The following ZNF599 variants were observed in gnomAD, a reference collection of about 807,000 sequenced individuals.
The protein encoded by ZNF599 is zinc finger protein 599.
Under a neutral mutation model 11.7 loss-of-function variants are expected in ZNF599, and 10 were observed. The observed-to-expected ratio is 0.86, with a 90% CI of 0.53 to 1.45. The LOEUF (loss-of-function observed/expected upper bound fraction) is 1.45, where lower values mean the gene tolerates loss of function less well. Among genes scored for constraint, ZNF599 ranks in the 40% most tolerant of loss-of-function variants. The probability of loss-of-function intolerance (pLI) is 0.00; values close to 1 mark genes in which losing one functional copy is unlikely to be tolerated. For missense variants in ZNF599, 688 were observed against 713.6 expected, an observed-to-expected ratio of 0.96 and a Z score of 0.41; for synonymous variants, 232 against 253.2, an observed-to-expected ratio of 0.92 and a Z score of 0.79.
At position 34,759,444 on chromosome 19, in the gene ZNF599, A is replaced by G. The variant is rs1179568469; in HGVS notation, c.1357T>C (p.Cys453Arg). 1 of 1,614,132 alleles carries G rather than the reference A, an allele frequency of 6.2e-7. No homozygotes were observed. The highest frequency in any genetic ancestry group is 8.5e-7 in the Non-Finnish European group (1 of 1,179,980). The change falls in exon 4 of 4, where the codon TGC becomes CGC. Residue 453 changes from cysteine (C) to arginine (R), a missense_variant. Coordinates refer to ENST00000329285, the MANE Select transcript of ZNF599 (RefSeq NM_001007248.3). ...GTAAAAGCCTTTCCACATTCACTGC[A>G]CTCATAAGGCTTCTCACCAGTGTGA... ...RIHTGEKPYE[C>R]SECGKAFTHH...
the ZNF599 span, among the ~76,000 whole-genome samples, chr19:34,794,778 C>A: frequency 6.6e-6 from 1 of 152,034 alleles, no homozygotes; most frequent in African/African-American, 2.4e-5. Context: ...ACCATGTTGG[C>A]CAGGTTGGTC....
chr19:34,777,351 ATT>A (rs1326973361), upstream of ZNF599, among the ~76,000 whole-genome samples: 33 of 93,918 alleles, frequency 3.5e-4, no homozygotes, highest in African/African-American at 1.4e-3. Flanking sequence ...TATATTATAT[ATT>A]ATATATTAAT....
At chr19:34,780,566 GAGAA>G in the ZNF599 span, among the ~76,000 whole-genome samples, 170 of 146,022 alleles carry the variant, frequency 1.2e-3, no homozygotes, top group Non-Finnish European at 2.1e-3. Context: ...GAGACAAAGA[GAGAA>G]AGAAAGAAAG....
Position 34,758,888 on chromosome 19 carries a change from G to T in ZNF599, c.*146C>A. 1.3e-6 allele frequency: 1 copy of T among 747,782 alleles called. No individual in the cohort carries two copies. Among genetic ancestry groups the T allele is most frequent in the Non-Finnish European group, 2.1e-6 (1 of 466,438 alleles). 46.3% of individuals were successfully genotyped at this position (747,782 alleles called of 1,614,324 possible). The stretch of plus-strand genomic sequence containing the variant: ...AAAAAGATTTCACAGGGACAATTCT[G>T]TTTCTAGTTAGTATAAATTATCAGA... On this transcript the variant is annotated 3_prime_UTR_variant, in exon 4 of 4. Transcript: ENST00000329285.
chr19:34,784,251 G>A, the ZNF599 span, among the ~76,000 whole-genome samples: 1 of 151,910 alleles, frequency 6.6e-6, no homozygotes, highest in Non-Finnish European at 1.5e-5. Context: ...CTTCTCCCTG[G>A]GTGTCTTTAT....
rs1164726692 is a variant in ZNF599 at position 34,760,286 on chromosome 19, A to C, written c.515T>G (p.Val172Gly). ...CTCATGGAGAGCATCTTGTGGAGTG[A>C]CTCGTTCCTGTAAAACCCTTAAGCC... ...SLGLRVLQER[V>G]TPQDALHECD... The change falls in exon 4 of 4, where the codon GTC becomes GGC. Residue 172 changes from valine to glycine, a missense_variant. Physicochemically the swap from Val to Gly is moderately radical, Grantham distance 109. Transcript: ENST00000329285. The C allele has an allele frequency of 6.2e-7, 1 of 1,613,908 alleles. No individual in the cohort carries two copies. Among genetic ancestry groups the C allele is most frequent in the Non-Finnish European group, 8.5e-7 (1 of 1,179,934 alleles).
At chr19:34,784,433 A>G in the ZNF599 span, among the ~76,000 whole-genome samples, 1 of 152,196 alleles carries the variant, frequency 6.6e-6, no homozygotes, top group Admixed American at 6.5e-5. Context: ...GTATTAAGAC[A>G]TTCACATATA....
At chr19:34,792,949 G>A in the ZNF599 span, among the ~76,000 whole-genome samples, 1 of 152,118 alleles carries the variant, frequency 6.6e-6, no homozygotes, top group Admixed American at 6.5e-5. Context: ...AGCCATGCAT[G>A]CCATGTGAAT....
chr19:34,767,263 T>C (rs2069150036), intron 3 of ZNF599, 53 bp downstream of exon 3: 1 of 1,416,616 alleles, frequency 7.1e-7, no homozygotes, highest in Admixed American at 1.7e-5. Flanking sequence ...CAGTGATGCC[T>C]GGGTGGTCTG....
At chr19:34,786,887 T>C in the ZNF599 span, among the ~76,000 whole-genome samples, 23 of 152,290 alleles carry the variant, frequency 1.5e-4, no homozygotes, top group Non-Finnish European at 2.8e-4. Flanking sequence ...AAATGAAAAA[T>C]GAAGAAAATA....
chr19:34,783,197 T>G, the ZNF599 span, among the ~76,000 whole-genome samples: 1 of 152,200 alleles, frequency 6.6e-6, no homozygotes, highest in Non-Finnish European at 1.5e-5. Context: ...GAAGATTTTC[T>G]TAACTTACAG....
In ZNF599 at chr19:34,759,171, A is replaced by T; in HGVS notation, c.1630T>A (p.Phe544Ile). The T allele has an allele frequency of 1.2e-6, 2 of 1,614,184 alleles. No individual in the cohort carries two copies. The highest frequency in any genetic ancestry group is 1.7e-6 in the Non-Finnish European group (2 of 1,180,032). ...PFECKECEKA[F>I]CDNFALTQHM... ...TGAGTTAAAGCAAAGTTGTCACAGA[A>T]GGCTTTCTCACATTCTTTGCATTCA... is the stretch of plus-strand genomic sequence containing the variant. The change falls in exon 4 of 4, where the codon TTC (phenylalanine) becomes ATC (isoleucine). Residue 544 changes from phenylalanine (F) to isoleucine (I), a missense_variant. Coordinates refer to ENST00000329285, the MANE Select transcript of ZNF599 (RefSeq NM_001007248.3).
At chr19:34,805,197 C>CTTTTT in the ZNF599 span, among the ~76,000 whole-genome samples, 2 of 125,902 alleles carry the variant, frequency 1.6e-5, no homozygotes, top group Non-Finnish European at 3.3e-5. Context: ...TAAGTGCTAC[C>CTTTTT]TTTTTTTTTT....
chr19:34,797,148 A>AT, the ZNF599 span, among the ~76,000 whole-genome samples: 1 of 152,010 alleles, frequency 6.6e-6, no homozygotes, highest in Non-Finnish European at 1.5e-5. Flanking sequence ...TGAACTCATC[A>AT]TTTTTTATGG....
chr19:34,782,942 A>G, the ZNF599 span, among the ~76,000 whole-genome samples: 2 of 152,036 alleles, frequency 1.3e-5, no homozygotes, highest in African/African-American at 4.8e-5. Flanking sequence ...TCCCATACAT[A>G]CATCCCAAAC....
At chr19:34,783,319 T>C in the ZNF599 span, among the ~76,000 whole-genome samples, 287 of 151,462 alleles carry the variant, frequency 1.9e-3, no homozygotes, top group African/African-American at 6.6e-3. Flanking sequence ...GGGCAGGAGG[T>C]TTTATTGTGG....
chr19:34,807,144 G>T, the ZNF599 span, among the ~76,000 whole-genome samples: 2 of 152,160 alleles, frequency 1.3e-5, no homozygotes, highest in African/African-American at 4.8e-5. Flanking sequence ...ACAATCTTCT[G>T]TGACTCACCA....
At chr19:34,765,645 C>A (rs2069137665) in intron 3 of ZNF599, 3 of 702,896 alleles carry the variant, frequency 4.3e-6, no homozygotes, top group Non-Finnish European at 7.8e-6. Flanking sequence ...AAGGAAGCTG[C>A]AGGATAAGTC....
intron 2 of ZNF599, among the ~76,000 whole-genome samples, chr19:34,768,173 C>A (rs1020794557): frequency 1.3e-5 from 2 of 152,148 alleles, no homozygotes; most frequent in Non-Finnish European, 2.9e-5. Context: ...GCACACTCAG[C>A]AAATGTTCTG....
Sources: gnomAD v4.1 joint callset for allele counts (sites outside exome capture counted in the v4.1 genomes callset) on GRCh38, gnomAD v4.1.1 for gene constraint, MANE v1.5 for transcripts, NCBI Gene and HGNC (gene_info 2026-07-23, HGNC 2026-07-21) for gene names.